ELAPOR1: variants seen among roughly 807,000 people sequenced by gnomAD.
The protein encoded by ELAPOR1 is endosome-lysosome associated apoptosis and autophagy regulator 1, also known as endosome/lysosome-associated apoptosis and autophagy regulator 1.
A neutral mutation model predicts 119.7 loss-of-function variants in ELAPOR1; 77 were observed. The observed-to-expected ratio is 0.64, with a 90% CI of 0.54 to 0.78. The LOEUF (loss-of-function observed/expected upper bound fraction) is 0.78, where lower values mean the gene tolerates loss of function less well. Ranked by LOEUF, ELAPOR1 falls within the 30% of genes least tolerant of loss-of-function variation. The pLI, the probability that ELAPOR1 is intolerant of heterozygous loss-of-function variation, is 0.00. For synonymous variants in ELAPOR1, 481 were observed against 487.2 expected (o/e 0.99, Z 0.17); for missense variants, 1,115 against 1,270.4 (o/e 0.88, Z 1.86).
intron 15 of ELAPOR1, 128 bp from the exon 16 acceptor site, chr1:109,197,346 C>A: frequency 1.3e-6 from 1 of 757,968 alleles, no homozygotes; most frequent in Non-Finnish European, 2.2e-6. Flanking sequence ...TGGGATGAAT[C>A]ATTCCCCTAC....
intron 1 of ELAPOR1, among the ~76,000 whole-genome samples, chr1:109,155,440 A>C (rs1211203044): frequency 6.6e-6 from 1 of 152,186 alleles, no homozygotes; most frequent in East Asian, 1.9e-4. Context: ...GGCCTCCCAA[A>C]GTGCTGGGAT....
At chr1:109,159,207 T>C (rs1397532497) in intron 1 of ELAPOR1, among the ~76,000 whole-genome samples, 1 of 152,180 alleles carries the variant, frequency 6.6e-6, no homozygotes, top group Non-Finnish European at 1.5e-5. Context: ...GCTTATGTCT[T>C]GAATGGTGTG....
At position 109,197,959 on chromosome 1, in the gene ELAPOR1, T is replaced by A. The variant is rs746057305; in HGVS notation, c.2303-20T>A. On this transcript the variant is annotated intron_variant, in intron 16 of 21. Coordinates refer to ENST00000369939, the MANE Select transcript of ELAPOR1 (RefSeq NM_020775.5). ...GCTAATGCTACTAGTGAGAACTAAT[T>A]AGGAGCTCTAATTTGGCAGGGGTGA... The A allele has an allele frequency of 6.2e-7, 1 of 1,604,728 alleles. No homozygotes were observed. The highest frequency in any genetic ancestry group is 1.1e-5 in the South Asian group (1 of 90,894).
intron 1 of ELAPOR1, among the ~76,000 whole-genome samples, chr1:109,130,683 G>A (rs1400885193): frequency 6.6e-6 from 1 of 152,002 alleles, no homozygotes; most frequent in Non-Finnish European, 1.5e-5. Flanking sequence ...TATTAACCTT[G>A]TAAAATCAGC....
At chr1:109,153,728 C>T (rs1318480562) in intron 1 of ELAPOR1, among the ~76,000 whole-genome samples, 1 of 151,902 alleles carries the variant, frequency 6.6e-6, no homozygotes, top group Non-Finnish European at 1.5e-5. Context: ...CAACCTCTGC[C>T]TCCTGGGTTC....
At chr1:109,144,059 A>ATTTTTTTT (rs1243626258) in intron 1 of ELAPOR1, among the ~76,000 whole-genome samples, 1 of 34,424 alleles carries the variant, frequency 2.9e-5, no homozygotes, top group African/African-American at 7.7e-5. Flanking sequence ...ATATATTTAT[A>ATTTTTTTT]TATTTTTTTT....
intron 1 of ELAPOR1, among the ~76,000 whole-genome samples, chr1:109,117,361 T>G (rs1179371775): frequency 1.3e-5 from 2 of 152,186 alleles, no homozygotes. Context: ...TTTCCCAAGG[T>G]GCAGTGAAGC....
rs755418346 is a variant in ELAPOR1, at chr1:109,189,144, T to C, written c.1298T>C (p.Met433Thr). The C allele has an allele frequency of 3.1e-6, 5 of 1,614,142 alleles. No individual in the cohort carries two copies. In the Admixed American group the frequency reaches 8.3e-5, roughly 27 times the overall value. The stretch of plus-strand genomic sequence containing the variant: ...TGGTGGAACACGCTGCCCACAAACA[T>C]GGAAACGACCGTTCTCAGTGGGATC... The part of the protein sequence containing the change: ...YKWWNTLPTN[M>T]ETTVLSGINF... Residue 433 changes from methionine to threonine, a missense_variant, in exon 10 of 22, where the codon ATG becomes ACG. Physicochemically the swap from Met to Thr is moderately conservative, Grantham distance 81. Transcript: ENST00000369939.
rs1301977958 is a variant in ELAPOR1 at position 109,174,279 on chromosome 1, G to T, written c.952+442G>T. 4.6e-5 allele frequency among the ~76,000 whole-genome samples: 7 copies of T among 151,042 alleles called. No homozygotes were observed. In the East Asian group the frequency reaches 1.2e-3, roughly 25 times the overall value. On this transcript the variant is annotated intron_variant, in intron 7 of 21. Transcript: ENST00000369939. ...TGATCCTCCTGCCTCAGCCTCTCAAGCTGTGAGCCTATAATCTCAGCACTT... is the reference window on the plus strand; with the variant it reads ...TGATCCTCCTGCCTCAGCCTCTCAATCTGTGAGCCTATAATCTCAGCACTT...
At chr1:109,146,583 A>C (rs1650191869) in intron 1 of ELAPOR1, among the ~76,000 whole-genome samples, 1 of 152,188 alleles carries the variant, frequency 6.6e-6, no homozygotes, top group African/African-American at 2.4e-5. Flanking sequence ...CTCTTTTGAG[A>C]ACCCACTTTT....
At chr1:109,164,313 C>T (rs1029727159) in intron 2 of ELAPOR1, among the ~76,000 whole-genome samples, 186 bp from the exon 3 acceptor site, 1 of 152,018 alleles carries the variant, frequency 6.6e-6, no homozygotes, top group African/African-American at 2.4e-5. Flanking sequence ...AATATCACTG[C>T]TGAAAAAAAA....
Position 109,140,098 on chromosome 1 carries a change from C to CATTTATTTATTTATTTATTTATTT in ELAPOR1, c.154-21776_154-21775insATTTATTTATTTATTTATTTATTT, listed in dbSNP as rs370169097. 2.7e-3 allele frequency among the ~76,000 whole-genome samples: 408 copies of CATTTATTTATTTATTTATTTATTT among 151,744 alleles called. 2 individuals are homozygous for CATTTATTTATTTATTTATTTATTT. Among genetic ancestry groups the CATTTATTTATTTATTTATTTATTT allele is most frequent in the African/African-American group, 9.4e-3 (389 of 41,264 alleles). On this transcript the variant is annotated intron_variant, in intron 1 of 21. Coordinates refer to ENST00000369939, the MANE Select transcript of ELAPOR1 (RefSeq NM_020775.5). ...AACATTCTTATTTTGTAGTATATAT[C>CATTTATTTATTTATTTATTTATTT]ATTTATTTATTTATTTATTTTAACA...
At chr1:109,193,318 C>G (rs1416589903) in intron 14 of ELAPOR1, among the ~76,000 whole-genome samples, 1 of 152,138 alleles carries the variant, frequency 6.6e-6, no homozygotes, top group Non-Finnish European at 1.5e-5. Context: ...TCTTCTATCC[C>G]AGTGGCTTCT....
intron 1 of ELAPOR1, among the ~76,000 whole-genome samples, chr1:109,140,509 C>A (rs894200445): frequency 8.5e-5 from 13 of 152,258 alleles, no homozygotes; most frequent in East Asian, 7.7e-4. Flanking sequence ...TGGCTATAGC[C>A]TAGAGAATGG....
At chr1:109,189,941 C>A (rs1478893303) in intron 11 of ELAPOR1, among the ~76,000 whole-genome samples, 1 of 152,040 alleles carries the variant, frequency 6.6e-6, no homozygotes, top group Non-Finnish European at 1.5e-5. Flanking sequence ...TATTCAAATT[C>A]TTCCTCCTCA....
intron 7 of ELAPOR1, among the ~76,000 whole-genome samples, chr1:109,175,022 C>A (rs562688994): frequency 8.6e-5 from 13 of 151,708 alleles, no homozygotes; most frequent in African/African-American, 3.1e-4. Context: ...GCCTGGGTTG[C>A]AATCTTTTTG....
In ELAPOR1 at chr1:109,156,303, T is replaced by TA. The variant is rs999017500; in HGVS notation, c.154-5581dup. ...TCTAGGATCTGTGGTATCACCTATT[T>TA]AAAAAAAAAATAAAATTGTGGTAAA... On this transcript the variant is annotated intron_variant, in intron 1 of 21. Coordinates refer to ENST00000369939, the MANE Select transcript of ELAPOR1 (RefSeq NM_020775.5). Among the ~76,000 whole-genome samples, 16 of 150,110 alleles carry TA rather than the reference T, an allele frequency of 1.1e-4. No individual in the cohort carries two copies. In the East Asian group the frequency reaches 1.6e-3, roughly 15 times the overall value.
intron 7 of ELAPOR1, among the ~76,000 whole-genome samples, chr1:109,174,722 C>T (rs945881735): frequency 6.6e-6 from 1 of 151,794 alleles, no homozygotes; most frequent in Admixed American, 6.6e-5. Context: ...GGGTTGCAAT[C>T]CTTTTTTTTT....
intron 1 of ELAPOR1, among the ~76,000 whole-genome samples, chr1:109,136,373 C>T (rs952480924): frequency 2.6e-5 from 4 of 152,216 alleles, no homozygotes; most frequent in African/African-American, 9.6e-5. Flanking sequence ...TCAAGGATGG[C>T]TGGCTGTCCC....
Sources: allele counts gnomAD v4.1 joint callset (sites outside exome capture counted in the v4.1 genomes callset), GRCh38; gene constraint gnomAD v4.1.1; transcripts MANE v1.5; gene names NCBI Gene and HGNC (gene_info 2026-07-23, HGNC 2026-07-21).